Variants in CCBE1 observed in about 807,000 individuals in gnomAD.
The protein encoded by CCBE1 is collagen and calcium-binding EGF domain-containing protein 1.
CCBE1 carries 37 observed loss-of-function variants against 50.0 expected under a neutral mutation model. That is an observed-to-expected ratio of 0.74 (90% CI 0.57 to 0.97). CCBE1 has a LOEUF of 0.97. CCBE1 is among the 50% of genes least tolerant of loss of function. The probability of loss-of-function intolerance (pLI) is 0.00; values close to 1 mark genes in which losing one functional copy is unlikely to be tolerated. For synonymous variants in CCBE1, 234 were observed against 203.7 expected, an observed-to-expected ratio of 1.15 and a Z score of -1.27; for missense variants, 538 against 523.8, an observed-to-expected ratio of 1.03 and a Z score of -0.26.
intron 2 of CCBE1, among the ~76,000 whole-genome samples, chr18:59,695,540 C>T (rs1339753078): frequency 6.6e-6 from 1 of 152,146 alleles, no homozygotes. Context: ...CAGAAGTACG[C>T]GATGTAACTG....
intron 2 of CCBE1, among the ~76,000 whole-genome samples, chr18:59,593,034 A>C (rs918829183): frequency 2.6e-5 from 4 of 152,198 alleles, no homozygotes; most frequent in Admixed American, 6.5e-5. Flanking sequence ...AAATGCAAGG[A>C]AGTGTTAGGA....
At chr18:59,453,703 AG>A (rs2143669301) in intron 6 of CCBE1, among the ~76,000 whole-genome samples, 1 of 152,332 alleles carries the variant, frequency 6.6e-6, no homozygotes, top group African/African-American at 2.4e-5. Flanking sequence ...AAAGTTCAAC[AG>A]GGAAGATACA....
intron 2 of CCBE1, among the ~76,000 whole-genome samples, chr18:59,625,639 T>G (rs995445643): frequency 1.3e-5 from 2 of 152,184 alleles, no homozygotes; most frequent in African/African-American, 2.4e-5. Flanking sequence ...CATTCTTGAA[T>G]GCAGAACCAG....
At position 59,468,640 on chromosome 18, in the gene CCBE1, T is replaced by C. The variant is rs1020393757; in HGVS notation, c.400+833A>G. On this transcript the variant is annotated intron_variant, in intron 4 of 10. Coordinates refer to ENST00000439986, the MANE Select transcript of CCBE1 (RefSeq NM_133459.4). ...AAATGGTGCTCCCTAGAGCCCCTGCTAGGATAGAGAAAGAGGGATGCTCAT... is the reference window on the plus strand; with the variant it reads ...AAATGGTGCTCCCTAGAGCCCCTGCCAGGATAGAGAAAGAGGGATGCTCAT... Among the ~76,000 whole-genome samples the C allele has an allele frequency of 1.6e-4, 25 of 151,664 alleles. 1 individual carries two copies.
At chr18:59,594,218 C>T (rs2053317622) in intron 2 of CCBE1, among the ~76,000 whole-genome samples, 1 of 152,226 alleles carries the variant, frequency 6.6e-6, no homozygotes, top group Non-Finnish European at 1.5e-5. Context: ...CAATGCCTTC[C>T]CTCCGTCCTC....
intron 2 of CCBE1, among the ~76,000 whole-genome samples, chr18:59,577,836 A>G (rs1052987183): frequency 6.6e-6 from 1 of 152,208 alleles, no homozygotes; most frequent in African/African-American, 2.4e-5. Context: ...TGTTTTTCAT[A>G]AGGCCCAAAA....
At chr18:59,687,488 C>T (rs2054671725) in intron 2 of CCBE1, among the ~76,000 whole-genome samples, 1 of 152,166 alleles carries the variant, frequency 6.6e-6, no homozygotes, top group South Asian at 2.1e-4. Flanking sequence ...CCTAACTTTT[C>T]CCTTCCTTTG....
At chr18:59,466,702 A>G in intron 5 of CCBE1, 37 bp downstream of exon 5, 7 of 1,521,750 alleles carry the variant, frequency 4.6e-6, no homozygotes, top group Non-Finnish European at 5.4e-6. Context: ...ATATAAAAAT[A>G]TGTAATTAGG....
At chr18:59,439,625 C>A in intron 8 of CCBE1, 47 bp from the exon 9 acceptor site, 1 of 1,614,202 alleles carries the variant, frequency 6.2e-7, no homozygotes, top group African/African-American at 1.3e-5. Flanking sequence ...AAGCATGGGA[C>A]AAAAACACAT....
intron 2 of CCBE1, among the ~76,000 whole-genome samples, chr18:59,631,352 T>TAC (rs2144626648): frequency 6.6e-6 from 1 of 152,328 alleles, no homozygotes; most frequent in East Asian, 1.9e-4. Context: ...AATTTGCAGT[T>TAC]ACATAAGCCA....
Position 59,439,712 on chromosome 18 carries a change from G to C in CCBE1, c.880C>G (p.Leu294Val). Residue 294 changes from leucine (L) to valine (V), a missense_variant, in exon 8 of 11, where the codon CTG becomes GTG. Transcript: ENST00000439986. ...SMGPMGPSPDLSHIKQGRRGP... is the reference protein window; with the variant it reads ...SMGPMGPSPDVSHIKQGRRGP... ...CTCCGGCCTTGCTTAATGTGGGACA[G>C]ATCAGGAGATGGTCCCATGGGTCCC... 1 of 1,614,264 alleles carries C rather than the reference G, an allele frequency of 6.2e-7. No individual in the cohort carries two copies. The highest frequency in any genetic ancestry group is 1.3e-5 in the African/African-American group (1 of 75,080).
chr18:59,452,714 C>T (rs912184890), intron 6 of CCBE1, among the ~76,000 whole-genome samples: 1 of 152,192 alleles, frequency 6.6e-6, no homozygotes, highest in African/African-American at 2.4e-5. Flanking sequence ...CTAAGACCAT[C>T]AGTATCTTTT....
At chr18:59,678,195 T>G (rs1188764864) in intron 2 of CCBE1, among the ~76,000 whole-genome samples, 18 of 152,106 alleles carry the variant, frequency 1.2e-4, no homozygotes, top group Admixed American at 1.2e-3. Flanking sequence ...ACTGAAAAAG[T>G]TAAAACATAA....
chr18:59,625,236 C>T (rs149560593), intron 2 of CCBE1, among the ~76,000 whole-genome samples: 1,673 of 152,092 alleles, frequency 0.011, 6 homozygotes, highest in Non-Finnish European at 0.017. Context: ...TCGCGACCAT[C>T]GTGGCTAACA....
intron 3 of CCBE1, among the ~76,000 whole-genome samples, chr18:59,473,064 TG>T (rs993935571): frequency 2.0e-5 from 3 of 152,142 alleles, no homozygotes; most frequent in African/African-American, 7.2e-5. Flanking sequence ...GAGATTTGGG[TG>T]GGGACACAGC....
chr18:59,672,728 C>A (rs933054131), intron 2 of CCBE1, among the ~76,000 whole-genome samples: 42 of 152,130 alleles, frequency 2.8e-4, no homozygotes, highest in African/African-American at 1.0e-3. Flanking sequence ...TTTTTTTAGG[C>A]TACTAAGTGT....
At chr18:59,584,810 C>T (rs1213638223) in intron 2 of CCBE1, among the ~76,000 whole-genome samples, 2 of 152,198 alleles carry the variant, frequency 1.3e-5, no homozygotes, top group Non-Finnish European at 2.9e-5. Flanking sequence ...GCCAATTAAA[C>T]CTCTTTTCTT....
chr18:59,690,140 C>T (rs528666847), intron 2 of CCBE1, among the ~76,000 whole-genome samples: 114 of 152,260 alleles, frequency 7.5e-4, no homozygotes, highest in African/African-American at 2.6e-3. Context: ...GTCCAATTTT[C>T]AGATATATTC....
chr18:59,660,787 T>G (rs2054273443), intron 2 of CCBE1, among the ~76,000 whole-genome samples: 1 of 152,218 alleles, frequency 6.6e-6, no homozygotes, highest in South Asian at 2.1e-4. Context: ...TTAGAAAATG[T>G]GATTCACGGA....
Sources: gnomAD v4.1 joint callset for allele counts (sites outside exome capture counted in the v4.1 genomes callset) on GRCh38, gnomAD v4.1.1 for gene constraint, MANE v1.5 for transcripts, NCBI Gene and HGNC (gene_info 2026-07-23, HGNC 2026-07-21) for gene names.